Variants in EXOC6B observed in about 807,000 individuals in gnomAD.
The protein encoded by EXOC6B is SEC15 homolog B.
A neutral mutation model predicts 113.5 loss-of-function variants in EXOC6B; 54 were observed. The ratio of observed to expected loss-of-function variants is 0.48; its 90% CI spans 0.38 to 0.60. The LOEUF (loss-of-function observed/expected upper bound fraction) is 0.60, where lower values mean the gene tolerates loss of function less well. Among genes scored for constraint, EXOC6B ranks in the 20% least tolerant of loss-of-function variants. The probability of loss-of-function intolerance (pLI) is 0.00; values close to 1 mark genes in which losing one functional copy is unlikely to be tolerated. For synonymous variants in EXOC6B, 357 were observed against 339.0 expected (o/e 1.05, Z -0.58); for missense variants, 797 against 977.5 (o/e 0.82, Z 2.46).
At chr2:72,549,685 C>A (rs1229800740) in intron 8 of EXOC6B, among the ~76,000 whole-genome samples, 1 of 152,038 alleles carries the variant, frequency 6.6e-6, no homozygotes, top group Non-Finnish European at 1.5e-5. Context: ...CAAGGGAAAG[C>A]TGAGGACTAA....
At chr2:72,771,405 C>T (rs1683397549) in intron 1 of EXOC6B, among the ~76,000 whole-genome samples, 1 of 152,118 alleles carries the variant, frequency 6.6e-6, no homozygotes. Flanking sequence ...ATATATCATG[C>T]CTGTAAAACT....
At chr2:72,484,727 TG>T (rs1217332478) in intron 16 of EXOC6B, among the ~76,000 whole-genome samples, 1 of 152,150 alleles carries the variant, frequency 6.6e-6, no homozygotes, top group East Asian at 1.9e-4. Context: ...TGTGTTAGTT[TG>T]CTGAGGATGA....
chr2:72,620,458 G>T lies in EXOC6B; in HGVS notation c.670-44790C>A, dbSNP rs565574861. 1.0e-4 allele frequency among the ~76,000 whole-genome samples: 15 copies of T among 147,318 alleles called. No homozygotes were observed. The South Asian group carries it at 2.7e-3, about 27-fold the overall frequency. ...CCCTGAACTTAAAATAAAAATAAAA[G>T]AAATTTAAATAAGAAATTTAAATAA... On this transcript the variant is annotated intron_variant, in intron 6 of 21. Transcript: ENST00000272427.
intron 12 of EXOC6B, 42 bp from the exon 13 acceptor site, chr2:72,498,593 AGTTTTTTTTTCG>A (rs1700162073): frequency 2.5e-6 from 3 of 1,183,256 alleles, no homozygotes; most frequent in Non-Finnish European, 3.5e-6. Context: ...CTAAGGAAGG[AGTTTTTTTTTCG>A]GTTTTTTTTT....
chr2:72,787,293 C>G (rs1025099375), intron 1 of EXOC6B, among the ~76,000 whole-genome samples: 1 of 151,910 alleles, frequency 6.6e-6, no homozygotes, highest in Non-Finnish European at 1.5e-5. Flanking sequence ...CTCACTGCAA[C>G]CTCCGCCTCC....
At chr2:72,191,861 A>G (rs1303124305) in intron 20 of EXOC6B, among the ~76,000 whole-genome samples, 1 of 152,206 alleles carries the variant, frequency 6.6e-6, no homozygotes, top group Non-Finnish European at 1.5e-5. Context: ...TGAGTTGCTC[A>G]TGGCTAAAGG....
chr2:72,521,107 C>G (rs1437400221), intron 8 of EXOC6B, among the ~76,000 whole-genome samples: 1 of 152,048 alleles, frequency 6.6e-6, no homozygotes, highest in South Asian at 2.1e-4. Context: ...GAGGGTAGGG[C>G]CCTCATGAAT....
chr2:72,637,570 C>T (rs1311737641), intron 6 of EXOC6B, among the ~76,000 whole-genome samples: 2 of 152,096 alleles, frequency 1.3e-5, no homozygotes, highest in Non-Finnish European at 2.9e-5. Flanking sequence ...GGGCAGATCA[C>T]TTGAGGTCAG....
chr2:72,327,361 A>C (rs1688183818), intron 20 of EXOC6B, among the ~76,000 whole-genome samples: 1 of 152,032 alleles, frequency 6.6e-6, no homozygotes, highest in Non-Finnish European at 1.5e-5. Context: ...TCTACCTCTC[A>C]TAAGACTACC....
chr2:72,465,477 C>T (rs1377496653), intron 17 of EXOC6B, 138 bp from the exon 18 acceptor site: 3 of 658,530 alleles, frequency 4.6e-6, no homozygotes, highest in South Asian at 2.4e-5. Context: ...ATATCACAGT[C>T]TTCTTTAATT....
Position 72,358,963 on chromosome 2 carries a change from T to G in EXOC6B, c.2122+20766A>C, listed in dbSNP as rs1177334810. Among the ~76,000 whole-genome samples, 5 of 152,204 alleles carry G rather than the reference T, an allele frequency of 3.3e-5. No homozygotes were observed. In the East Asian group the frequency reaches 9.6e-4, roughly 29 times the overall value. On this transcript the variant is annotated intron_variant, in intron 19 of 21. Transcript: ENST00000272427. ...GAAGTAATTGCTAATTGCATCATAT[T>G]TATTCACTCAAAAAATATTTATTAT...
At chr2:72,569,499 G>GA (rs1343949982) in intron 7 of EXOC6B, among the ~76,000 whole-genome samples, 15 of 152,176 alleles carry the variant, frequency 9.9e-5, no homozygotes, top group Non-Finnish European at 1.9e-4. Context: ...ACCATGCTTA[G>GA]AAAAAACTAA....
rs535056855 is a variant in EXOC6B at position 72,491,733 on chromosome 2, T to A, written c.1665+585A>T. 5.3e-5 allele frequency among the ~76,000 whole-genome samples: 8 copies of A among 152,270 alleles called. 1 individual carries two copies. The highest frequency in any genetic ancestry group is 1.9e-4 in the African/African-American group (8 of 41,576). ...AAATATCCCTCCTCTTTTTATGAGA[T>A]TCCATAAACCTCCACAGAAATGTGA... On this transcript the variant is annotated intron_variant, in intron 16 of 21. Coordinates refer to ENST00000272427, the MANE Select transcript of EXOC6B (RefSeq NM_015189.3).
intron 20 of EXOC6B, among the ~76,000 whole-genome samples, chr2:72,187,073 C>T (rs1678485920): frequency 6.6e-6 from 1 of 152,160 alleles, no homozygotes; most frequent in Non-Finnish European, 1.5e-5. Flanking sequence ...CTGGGTGCTG[C>T]CATGGGGTGG....
At chr2:72,323,661 AAG>A in intron 20 of EXOC6B, among the ~76,000 whole-genome samples, 1 of 152,312 alleles carries the variant, frequency 6.6e-6, no homozygotes, top group African/African-American at 2.4e-5. Flanking sequence ...AGCCATAAAA[AAG>A]GATGAGTTCA....
rs186749514 is a variant in EXOC6B at position 72,547,407 on chromosome 2, G to C, written c.915+12046C>G. ...TACGCAGAAAAGAACATTAATCAAAGGTGAACATTTTGTCAACATTTTTTA... is the reference window on the plus strand; with the variant it reads ...TACGCAGAAAAGAACATTAATCAAACGTGAACATTTTGTCAACATTTTTTA... On this transcript the variant is annotated intron_variant, in intron 8 of 21. Coordinates refer to ENST00000272427, the MANE Select transcript of EXOC6B (RefSeq NM_015189.3). Among the ~76,000 whole-genome samples, 342 of 152,234 alleles carry C rather than the reference G, an allele frequency of 2.2e-3. 1 individual carries two copies. The highest frequency in any genetic ancestry group is 7.7e-3 in the African/African-American group (320 of 41,534).
At chr2:72,460,958 CA>C (rs760839360) in intron 18 of EXOC6B, among the ~76,000 whole-genome samples, 56 of 151,370 alleles carry the variant, frequency 3.7e-4, no homozygotes, top group Non-Finnish European at 4.6e-4. Context: ...GGAACCAACC[CA>C]AATGTCCAAC....
chr2:72,249,655 C>T (rs773028994), intron 20 of EXOC6B, among the ~76,000 whole-genome samples: 1 of 152,148 alleles, frequency 6.6e-6, no homozygotes, highest in Non-Finnish European at 1.5e-5. Flanking sequence ...GTGGGTACTT[C>T]TAACATCAGT....
At chr2:72,458,231 T>C (rs1697371974) in intron 18 of EXOC6B, among the ~76,000 whole-genome samples, 1 of 152,178 alleles carries the variant, frequency 6.6e-6, no homozygotes, top group African/African-American at 2.4e-5. Context: ...ATTTGGGTTC[T>C]TTTTCAGAAA....
Sources: gnomAD v4.1 joint callset for allele counts (sites outside exome capture counted in the v4.1 genomes callset) on GRCh38, gnomAD v4.1.1 for gene constraint, MANE v1.5 for transcripts, NCBI Gene and HGNC (gene_info 2026-07-23, HGNC 2026-07-21) for gene names.